The following LGSN variants were observed in gnomAD, a reference collection of about 807,000 sequenced individuals.
LGSN encodes lengsin.
LGSN carries 21 observed loss-of-function variants against 19.5 expected under a neutral mutation model. The observed-to-expected ratio is 1.07, with a 90% CI of 0.76 to 1.55. The LOEUF (loss-of-function observed/expected upper bound fraction) is 1.55, where lower values mean the gene tolerates loss of function less well. LGSN is among the 40% of genes most tolerant of loss of function. The pLI is 0.00. For missense variants in LGSN, 673 were observed against 608.5 expected (o/e 1.11, Z -1.12); for synonymous variants, 257 against 215.6 (o/e 1.19, Z -1.68).
At chr6:63,520,010 T>C in the LGSN span, among the ~76,000 whole-genome samples, 4 of 152,236 alleles carry the variant, frequency 2.6e-5, no homozygotes, top group African/African-American at 9.6e-5. Flanking sequence ...ATGTATCATC[T>C]ACCTATAATT....
the LGSN span, chr6:63,392,516 T>C: frequency 6.6e-6 from 1 of 152,288 alleles, no homozygotes; most frequent in Non-Finnish European, 1.5e-5. Flanking sequence ...AGGAGAAGCA[T>C]AGATGGAGGC....
chr6:63,308,949 A>T (rs1220804461), intron 1 of LGSN, among the ~76,000 whole-genome samples: 3 of 152,228 alleles, frequency 2.0e-5, no homozygotes, highest in Non-Finnish European at 4.4e-5. Flanking sequence ...TAATTACTTT[A>T]AAAATATCCG....
chr6:63,344,718 T>C, the LGSN span, among the ~76,000 whole-genome samples: 1 of 151,654 alleles, frequency 6.6e-6, no homozygotes, highest in Non-Finnish European at 1.5e-5. Flanking sequence ...AATTGATTAT[T>C]AGTATATAGA....
chr6:63,323,557 TATACAC>T (rs1373720465), upstream of LGSN, among the ~76,000 whole-genome samples: 362 of 96,248 alleles, frequency 3.8e-3, 3 homozygotes, highest in African/African-American at 0.014. Flanking sequence ...CAAAACCTCA[TATACAC>T]ACACACACAC....
At chr6:63,447,172 C>T in the LGSN span, among the ~76,000 whole-genome samples, 10 of 152,308 alleles carry the variant, frequency 6.6e-5, no homozygotes, top group Admixed American at 3.3e-4. Context: ...ACTCTGCTGT[C>T]GGTGTGCTTA....
At chr6:63,432,149 GAAA>G in the LGSN span, among the ~76,000 whole-genome samples, 116 of 107,692 alleles carry the variant, frequency 1.1e-3, 1 homozygote, top group East Asian at 3.3e-3. Context: ...AAGAAAGAAA[GAAA>G]GAAAGAAAGA....
chr6:63,474,365 T>C, the LGSN span, among the ~76,000 whole-genome samples: 22 of 152,130 alleles, frequency 1.4e-4, no homozygotes, highest in African/African-American at 4.6e-4. Flanking sequence ...TCCCAGCACA[T>C]TGGGAGGCCA....
At chr6:63,313,705 G>A (rs189702925) in intron 1 of LGSN, among the ~76,000 whole-genome samples, 2 of 151,916 alleles carry the variant, frequency 1.3e-5, no homozygotes, top group African/African-American at 4.8e-5. Context: ...ACATGGTGGT[G>A]CACGCCTGTA....
chr6:63,415,986 C>G, the LGSN span, among the ~76,000 whole-genome samples: 1 of 151,990 alleles, frequency 6.6e-6, no homozygotes, highest in Non-Finnish European at 1.5e-5. Flanking sequence ...ATAAAACATC[C>G]AAAATGAAGC....
chr6:63,499,378 A>T, the LGSN span, among the ~76,000 whole-genome samples: 1 of 152,084 alleles, frequency 6.6e-6, no homozygotes, highest in Non-Finnish European at 1.5e-5. Context: ...TACCTCAAAT[A>T]AGCAACACTG....
At chr6:63,438,173 G>A in the LGSN span, among the ~76,000 whole-genome samples, 1 of 152,234 alleles carries the variant, frequency 6.6e-6, no homozygotes, top group South Asian at 2.1e-4. Flanking sequence ...CACACTTTGG[G>A]AGGCCAAGGT....
the LGSN span, among the ~76,000 whole-genome samples, chr6:63,425,615 C>T: frequency 1.7e-4 from 26 of 151,622 alleles, no homozygotes; most frequent in African/African-American, 2.9e-4. Context: ...AGTTAGGGAG[C>T]GGGGGAAGGG....
At chr6:63,412,641 G>A in the LGSN span, among the ~76,000 whole-genome samples, 1 of 130,418 alleles carries the variant, frequency 7.7e-6, no homozygotes, top group African/African-American at 3.3e-5. Context: ...AGAAAGGGAA[G>A]GAAGGGAAGG....
chr6:63,463,512 AGT>A, the LGSN span, among the ~76,000 whole-genome samples: 1 of 152,160 alleles, frequency 6.6e-6, no homozygotes, highest in Non-Finnish European at 1.5e-5. Flanking sequence ...ATGATGTTCA[AGT>A]TCCTCTTTAC....
At chr6:63,553,509 T>C in the LGSN span, among the ~76,000 whole-genome samples, 1 of 152,190 alleles carries the variant, frequency 6.6e-6, no homozygotes, top group Non-Finnish European at 1.5e-5. Context: ...TGAAAGCCAG[T>C]TTGGTATCCT....
At chr6:63,390,379 C>G in the LGSN span, among the ~76,000 whole-genome samples, 18 of 151,680 alleles carry the variant, frequency 1.2e-4, no homozygotes, top group Admixed American at 1.1e-3. Flanking sequence ...ATCCACCTGC[C>G]TTGGCCTCCC....
At chr6:63,525,060 G>A in the LGSN span, among the ~76,000 whole-genome samples, 1 of 152,204 alleles carries the variant, frequency 6.6e-6, no homozygotes, top group Non-Finnish European at 1.5e-5. Context: ...GACTAGAGCA[G>A]CATTTCTGAA....
the LGSN span, among the ~76,000 whole-genome samples, chr6:63,497,903 A>G: frequency 1.5e-5 from 2 of 129,692 alleles, no homozygotes; most frequent in East Asian, 4.6e-4. Context: ...ACAGTTCTAT[A>G]GATTTGTCAT....
chr6:63,303,955 G>A (rs1327035847), intron 1 of LGSN, among the ~76,000 whole-genome samples: 1 of 152,182 alleles, frequency 6.6e-6, no homozygotes, highest in Non-Finnish European at 1.5e-5. Flanking sequence ...CCAAGATCAT[G>A]GAACAAGACT....
Sources: gnomAD v4.1 joint callset for allele counts (sites outside exome capture counted in the v4.1 genomes callset) on GRCh38, gnomAD v4.1.1 for gene constraint, MANE v1.5 for transcripts, NCBI Gene and HGNC (gene_info 2026-07-23, HGNC 2026-07-21) for gene names.